The following CELF2 variants were observed in gnomAD, a reference collection of about 807,000 sequenced individuals.
CELF2 encodes the protein CUG triplet repeat RNA-binding protein 2.
Under a neutral mutation model 62.6 loss-of-function variants are expected in CELF2, and 8 were observed. The ratio of observed to expected loss-of-function variants is 0.13; its 90% confidence interval spans 0.07 to 0.23. The LOEUF is 0.23. Ranked by LOEUF, CELF2 falls within the 10% of genes least tolerant of loss-of-function variation. The pLI is 1.00. For missense variants in CELF2, 333 were observed against 671.0 expected (o/e 0.50, Z 5.56); for synonymous variants, 258 against 250.0 (o/e 1.03, Z -0.30).
the CELF2 span, among the ~76,000 whole-genome samples, chr10:10,698,167 A>G: frequency 1.3e-5 from 2 of 152,204 alleles, no homozygotes; most frequent in African/African-American, 4.8e-5. Context: ...TTTATTTCGT[A>G]GATCCTAAAA....
chr10:10,696,235 G>A, the CELF2 span, among the ~76,000 whole-genome samples: 2 of 151,900 alleles, frequency 1.3e-5, no homozygotes, highest in African/African-American at 2.4e-5. Flanking sequence ...AGGACTCTCA[G>A]CTGGAGGTCT....
intron 1 of CELF2, among the ~76,000 whole-genome samples, chr10:10,899,943 C>A (rs1055632310): frequency 6.6e-6 from 1 of 152,166 alleles, no homozygotes; most frequent in Non-Finnish European, 1.5e-5. Context: ...TGGGTGGGGA[C>A]GCAGACCCAA....
At chr10:11,142,878 G>A (rs908801721) in intron 1 of CELF2, among the ~76,000 whole-genome samples, 1 of 150,198 alleles carries the variant, frequency 6.7e-6, no homozygotes, top group Non-Finnish European at 1.5e-5. Context: ...TCCACTGGGG[G>A]GACTCAGTCC....
rs1158372764 is a variant in CELF2, at chr10:11,211,782, G to GTA, written c.272-5641_272-5640dup. The stretch of plus-strand genomic sequence containing the variant: ...TGTGTGAGTGAGTGAGAGTGTGTGT[G>GTA]TATGTGTGTGAGAGAGAGAGAGAGA... On this transcript the variant is annotated intron_variant, in intron 2 of 12. Coordinates refer to ENST00000633077, the MANE Select transcript of CELF2 (RefSeq NM_001326342.2). This position sits in a 1 kb window ranked among gnomAD's most constrained non-coding sequence, Gnocchi z 4.8. Among the ~76,000 whole-genome samples, 7 of 143,108 alleles carry GTA rather than the reference G, an allele frequency of 4.9e-5. No homozygotes were observed. The highest frequency in any genetic ancestry group is 9.1e-5 in the Non-Finnish European group (6 of 66,004). The allele number at this position is 143,108 out of a possible 152,430, so 93.9% of individuals were successfully genotyped here. A position where few individuals can be genotyped will look rare whatever the true frequency, so the allele number is the denominator to read the frequency against.
At chr10:10,912,914 A>G (rs2063941155) in intron 1 of CELF2, among the ~76,000 whole-genome samples, 1 of 152,170 alleles carries the variant, frequency 6.6e-6, no homozygotes, top group African/African-American at 2.4e-5. Flanking sequence ...TCTCGTCCTA[A>G]CCATGGTGTA....
At chr10:10,612,576 G>T in the CELF2 span, among the ~76,000 whole-genome samples, 11 of 152,180 alleles carry the variant, frequency 7.2e-5, no homozygotes, top group Non-Finnish European at 1.6e-4. Flanking sequence ...AGCAGAAGAT[G>T]CTACAGGGAG....
rs948059491 is a variant in CELF2, at chr10:11,290,620, A to G, written c.976+2068A>G. Among the ~76,000 whole-genome samples the G allele has an allele frequency of 2.6e-5, 4 of 151,906 alleles. No homozygotes were observed. The highest frequency in any genetic ancestry group is 4.8e-5 in the African/African-American group (2 of 41,322). ...TTTTAAATGTATGTGACTATTTTCA[A>G]TTTCTTCCTGAGACTGCAGTGGAGG... On this transcript the variant is annotated intron_variant, in intron 9 of 12. Transcript: ENST00000633077. This position sits in a 1 kb window ranked among gnomAD's most constrained non-coding sequence, Gnocchi z 4.3.
At position 11,280,982 on chromosome 10, in the gene CELF2, C is replaced by CTGTGTG. The variant is rs541295992; in HGVS notation, c.841+5863_841+5868dup. The stretch of plus-strand genomic sequence containing the variant: ...CTGATGCTGGCGTGCGTGTGCATGC[C>CTGTGTG]TGTGTGCGTGTGTGTGTGTGTGTGT... On this transcript the variant is annotated intron_variant, in intron 8 of 12. Transcript: ENST00000633077. This position sits in a 1 kb window ranked among gnomAD's most constrained non-coding sequence, Gnocchi z 7.6. Among the ~76,000 whole-genome samples the CTGTGTG allele has an allele frequency of 9.5e-3, 1,135 of 119,848 alleles. 7 individuals are homozygous for CTGTGTG. The highest frequency in any genetic ancestry group is 0.012 in the Admixed American group (142 of 12,186). 78.6% of individuals were successfully genotyped at this position (119,848 alleles called of 152,430 possible). A position where few individuals can be genotyped will look rare whatever the true frequency, so the allele number is the denominator to read the frequency against.
At chr10:10,802,457 G>C (rs1196882431) in intron 1 of CELF2, among the ~76,000 whole-genome samples, 1 of 152,144 alleles carries the variant, frequency 6.6e-6, no homozygotes, top group Non-Finnish European at 1.5e-5. Context: ...GTGACAGAGC[G>C]AGACTCTGTC....
At chr10:11,196,171 T>A (rs539499736) in intron 2 of CELF2, among the ~76,000 whole-genome samples, 1 of 152,338 alleles carries the variant, frequency 6.6e-6, no homozygotes, top group East Asian at 1.9e-4. Flanking sequence ...TTTGGAGTCA[T>A]TTAGACCAGT....
intron 2 of CELF2, among the ~76,000 whole-genome samples, chr10:10,998,252 C>T (rs1372859886): frequency 6.6e-6 from 1 of 152,196 alleles, no homozygotes; most frequent in Non-Finnish European, 1.5e-5. Flanking sequence ...CCTTTCATGG[C>T]TTCCTAATGG....
the CELF2 span, among the ~76,000 whole-genome samples, chr10:10,476,905 A>G: frequency 1.3e-4 from 20 of 152,136 alleles, no homozygotes; most frequent in Non-Finnish European, 2.4e-4. Flanking sequence ...TGAATGGTTC[A>G]TTTGGTGACT....
the CELF2 span, among the ~76,000 whole-genome samples, chr10:10,615,103 C>T: frequency 2.0e-5 from 3 of 152,062 alleles, no homozygotes; most frequent in East Asian, 5.8e-4. Context: ...ATTCTAGTCC[C>T]TGATACATAA....
intron 1 of CELF2, among the ~76,000 whole-genome samples, chr10:10,866,004 G>A (rs1481782175): frequency 3.3e-5 from 5 of 152,038 alleles, no homozygotes; most frequent in South Asian, 2.1e-4. Flanking sequence ...AGGGAGGTGC[G>A]TGTGTGGGGG....
the CELF2 span, among the ~76,000 whole-genome samples, chr10:10,560,471 A>C: frequency 9.2e-5 from 14 of 152,252 alleles, no homozygotes; most frequent in East Asian, 2.7e-3. Flanking sequence ...GATGAGGGGT[A>C]ATATTCTCAG....
At chr10:10,600,989 G>C in the CELF2 span, among the ~76,000 whole-genome samples, 7 of 152,126 alleles carry the variant, frequency 4.6e-5, no homozygotes, top group African/African-American at 1.7e-4. Context: ...CCGACTCCAG[G>C]GTTAGCAAGG....
rs983510815 is a variant in CELF2, at chr10:11,302,880, C to T, written c.977-11259C>T. Among the ~76,000 whole-genome samples, 24 of 152,194 alleles carry T rather than the reference C, an allele frequency of 1.6e-4. No individual in the cohort carries two copies. Among genetic ancestry groups the T allele is most frequent in the African/African-American group, 5.5e-4 (23 of 41,446 alleles). ...CCTGGAAGCATTAGAATCCTGCCTT[C>T]CCGGAGTCCTCTCTTTCTCTGCCAG... On this transcript the variant is annotated intron_variant, in intron 9 of 12. Coordinates refer to ENST00000633077, the MANE Select transcript of CELF2 (RefSeq NM_001326342.2). This position sits in a 1 kb window ranked among gnomAD's most constrained non-coding sequence, Gnocchi z 5.0.
chr10:10,882,775 AT>A (rs2061514874), intron 1 of CELF2, among the ~76,000 whole-genome samples: 1 of 152,130 alleles, frequency 6.6e-6, no homozygotes, highest in South Asian at 2.1e-4. Flanking sequence ...CTATTATTTT[AT>A]TCTATTATTC....
intron 7 of CELF2, among the ~76,000 whole-genome samples, chr10:11,271,608 T>C (rs1182649007): frequency 6.6e-6 from 1 of 152,226 alleles, no homozygotes; most frequent in African/African-American, 2.4e-5. Flanking sequence ...AATTGTGCTC[T>C]TCTACCCTAT....
Sources: allele counts gnomAD v4.1 joint callset (sites outside exome capture counted in the v4.1 genomes callset), GRCh38; gene constraint gnomAD v4.1.1; non-coding constraint Gnocchi (gnomAD v3.1); transcripts MANE v1.5; gene names NCBI Gene and HGNC (gene_info 2026-07-23, HGNC 2026-07-21).